Variants in BEAN1 observed in about 807,000 individuals in gnomAD.
BEAN1 encodes the protein brain expressed associated with NEDD4 1.
A neutral mutation model predicts 17.7 loss-of-function variants in BEAN1; 17 were observed. The observed-to-expected ratio is 0.96, with a 90% CI of 0.66 to 1.44. The LOEUF is 1.44. BEAN1 is among the 40% of genes most tolerant of loss of function. The probability of loss-of-function intolerance (pLI) is 0.00; values close to 1 mark genes in which losing one functional copy is unlikely to be tolerated. For synonymous variants in BEAN1, 142 were observed against 151.8 expected (o/e 0.94, Z 0.47); for missense variants, 359 against 374.1 (o/e 0.96, Z 0.33).
chr16:66,468,186 T>C (rs1180029264), intron 2 of BEAN1, among the ~76,000 whole-genome samples: 1 of 152,202 alleles, frequency 6.6e-6, no homozygotes, highest in Non-Finnish European at 1.5e-5. Context: ...TTTCCCCATC[T>C]GGTCTCAAGA....
chr16:66,445,010 A>G (rs567081633), intron 2 of BEAN1, among the ~76,000 whole-genome samples: 1 of 152,328 alleles, frequency 6.6e-6, no homozygotes, highest in South Asian at 2.1e-4. Flanking sequence ...TTCAACAAAT[A>G]TTTATTGAGC....
chr16:66,435,576 C>T (rs949864436), intron 1 of BEAN1, among the ~76,000 whole-genome samples: 10 of 152,172 alleles, frequency 6.6e-5, no homozygotes, highest in Admixed American at 5.9e-4. Flanking sequence ...CAACCTCCAC[C>T]TCCCAGGTTC....
At position 66,471,481 on chromosome 16, in the gene BEAN1, C is replaced by A. The variant is rs1963481792; in HGVS notation, c.289+1616C>A. 6.6e-6 allele frequency among the ~76,000 whole-genome samples: 1 copy of A among 152,238 alleles called. No homozygotes were observed. The highest frequency in any genetic ancestry group is 6.5e-5 in the Admixed American group (1 of 15,292). On this transcript the variant is annotated intron_variant, in intron 3 of 4. Coordinates refer to ENST00000536005, the MANE Select transcript of BEAN1 (RefSeq NM_001178020.3). This position sits in a 1 kb window ranked among gnomAD's most constrained non-coding sequence, Gnocchi z 4.7. ...GGGGAGACGCCCCTGGGAGCCGCCCCGTGGGCTCAAGGCAGTGTCCGGCAG... is the reference window on the plus strand; with the variant it reads ...GGGGAGACGCCCCTGGGAGCCGCCCAGTGGGCTCAAGGCAGTGTCCGGCAG...
chr16:66,445,528 G>A (rs569122805), intron 2 of BEAN1, among the ~76,000 whole-genome samples: 3 of 143,998 alleles, frequency 2.1e-5, no homozygotes, highest in African/African-American at 7.8e-5. Context: ...AGAGTGAGGT[G>A]ATGGGTCAGG....
rs1204256694 is a variant in BEAN1 at position 66,474,557 on chromosome 16, A to AGAGGGAGG, written c.290-2999_290-2992dup. Reference sequence around the variant, plus strand: ...GGAGGAAGAAGAAAGAGGGAGGGAGAGAGGGAGGGAGAGAGGGAGGGAGAG... The same window carrying AGAGGGAGG: ...GGAGGAAGAAGAAAGAGGGAGGGAGAGAGGGAGGGAGGGAGGGAGAGAGGGAGGGAGAG... On this transcript the variant is annotated intron_variant, in intron 3 of 4. Coordinates refer to ENST00000536005, the MANE Select transcript of BEAN1 (RefSeq NM_001178020.3). Among the ~76,000 whole-genome samples, 544 of 75,936 alleles carry AGAGGGAGG rather than the reference A, an allele frequency of 7.2e-3. 5 individuals carry two copies. Among genetic ancestry groups the AGAGGGAGG allele is most frequent in the South Asian group, 0.017 (27 of 1,616 alleles). 49.8% of individuals were successfully genotyped at this position (75,936 alleles called of 152,430 possible).
At chr16:66,479,208 G>A (rs1188027760) in intron 4 of BEAN1, 1 of 152,296 alleles carries the variant, frequency 6.6e-6, no homozygotes, top group Non-Finnish European at 1.5e-5. Context: ...TGAGGCCATA[G>A]CCTGAGGACA....
Position 66,481,031 on chromosome 16 carries a change from A to T in BEAN1, c.*106A>T. ...CAGAGATGCACACGTGACTCATAAC[A>T]CACACATAGACCAAACTTGTATACA... On this transcript the variant is annotated 3_prime_UTR_variant, in exon 5 of 5. Coordinates refer to ENST00000536005, the MANE Select transcript of BEAN1 (RefSeq NM_001178020.3). The surrounding 1 kb of genome is among the most constrained non-coding windows in gnomAD (Gnocchi z 4.1). The T allele has an allele frequency of 1.0e-6, 1 of 969,230 alleles. No homozygotes were observed. The highest frequency in any genetic ancestry group is 1.8e-5 in the South Asian group (1 of 55,194). The allele number at this position is 969,230 out of a possible 1,614,324, so 60.0% of individuals were successfully genotyped here.
Position 66,481,043 on chromosome 16 carries a change from C to CTTTTTT in BEAN1, c.*118_*119insTTTTTT. On this transcript the variant is annotated 3_prime_UTR_variant, in exon 5 of 5. Coordinates refer to ENST00000536005, the MANE Select transcript of BEAN1 (RefSeq NM_001178020.3). The surrounding 1 kb of genome is among the most constrained non-coding windows in gnomAD (Gnocchi z 4.1). ...CGTGACTCATAACACACACATAGAC[C>CTTTTTT]AAACTTGTATACACACAGACATCTA... The CTTTTTT allele has an allele frequency of 1.3e-6, 1 of 798,794 alleles. No homozygotes were observed. The highest frequency in any genetic ancestry group is 2.6e-5 in the South Asian group (1 of 37,758). 49.5% of individuals were successfully genotyped at this position (798,794 alleles called of 1,614,324 possible).
chr16:66,430,366 AT>A (rs992063938), intron 1 of BEAN1, among the ~76,000 whole-genome samples: 33 of 152,334 alleles, frequency 2.2e-4, no homozygotes, highest in Admixed American at 5.9e-4. Context: ...ACTTGTTCCC[AT>A]TTTATTGATG....
Position 66,444,391 on chromosome 16 carries a change from C to T in BEAN1, c.25+6690C>T, listed in dbSNP as rs116430224. Among the ~76,000 whole-genome samples, 390 of 152,168 alleles carry T rather than the reference C, an allele frequency of 2.6e-3. 1 individual carries two copies. The highest frequency in any genetic ancestry group is 8.6e-3 in the African/African-American group (358 of 41,516). On this transcript the variant is annotated intron_variant, in intron 2 of 4. Coordinates refer to ENST00000536005, the MANE Select transcript of BEAN1 (RefSeq NM_001178020.3). ...GAACATCAGCCTCCATGGCTTGTAG[C>T]GGGGCTTTGAGGCTGCAGGTGGAGC...
In BEAN1 at chr16:66,434,217, G is replaced by GACCCCA. The variant is rs1961922759; in HGVS notation, c.-82-3372_-82-3367dup. Among the ~76,000 whole-genome samples the GACCCCA allele has an allele frequency of 4.0e-5, 2 of 50,100 alleles. No individual in the cohort carries two copies. 32.9% of individuals were successfully genotyped at this position (50,100 alleles called of 152,430 possible). A position where few individuals can be genotyped will look rare whatever the true frequency, so the allele number is the denominator to read the frequency against. The stretch of plus-strand genomic sequence containing the variant: ...CTGGGGTGGGCCTGCCCCCGACCCC[G>GACCCCA]ACCCCAACCCCGACCCCGACCCCTG... On this transcript the variant is annotated intron_variant, in intron 1 of 4. Transcript: ENST00000536005. This position sits in a 1 kb window ranked among gnomAD's most constrained non-coding sequence, Gnocchi z 4.3.
intron 2 of BEAN1, among the ~76,000 whole-genome samples, chr16:66,465,686 C>A (rs189990665): frequency 6.6e-6 from 1 of 152,300 alleles, no homozygotes; most frequent in Non-Finnish European, 1.5e-5. Flanking sequence ...TGGTAGAATT[C>A]TCCAATGAAG....
At chr16:66,477,433 C>T in intron 3 of BEAN1, 127 bp from the exon 4 acceptor site, 4 of 995,596 alleles carry the variant, frequency 4.0e-6, no homozygotes, top group Non-Finnish European at 5.5e-6. Context: ...GGCAGCTGTG[C>T]TTGGTGAGGA....
chr16:66,429,285 A>T (rs1961703073), intron 1 of BEAN1, among the ~76,000 whole-genome samples: 1 of 152,176 alleles, frequency 6.6e-6, no homozygotes, highest in Admixed American at 6.5e-5. Context: ...ACCAGAAATG[A>T]AGGATGTCGG....
intron 1 of BEAN1, among the ~76,000 whole-genome samples, chr16:66,436,579 CTTT>C (rs879666514): frequency 7.2e-6 from 1 of 138,532 alleles, no homozygotes; most frequent in South Asian, 2.3e-4. Flanking sequence ...CATCCAGCCC[CTTT>C]TTTTTTTTTT....
rs1013180596 is a variant in BEAN1, at chr16:66,480,995, G to GCA, written c.*81_*82dup. 9.8e-5 allele frequency: 123 copies of GCA among 1,253,508 alleles called. No individual in the cohort carries two copies. The highest frequency in any genetic ancestry group is 2.8e-4 in the Middle Eastern group (1 of 3,630). The allele number at this position is 1,253,508 out of a possible 1,614,324, so 77.6% of individuals were successfully genotyped here. A position where few individuals can be genotyped will look rare whatever the true frequency, so the allele number is the denominator to read the frequency against. ...ACATTCTTTAGGCACACAAAGGCGT[G>GCA]CACACACACACAGAGATGCACACGT... On this transcript the variant is annotated 3_prime_UTR_variant, in exon 5 of 5. Transcript: ENST00000536005.
intron 2 of BEAN1, among the ~76,000 whole-genome samples, chr16:66,453,441 C>G (rs1222815525): frequency 6.6e-6 from 1 of 151,984 alleles, no homozygotes; most frequent in African/African-American, 2.4e-5. Flanking sequence ...TCACTGTAAC[C>G]TTGAACTCCT....
intron 2 of BEAN1, among the ~76,000 whole-genome samples, chr16:66,441,593 G>A (rs1194339078): frequency 6.6e-6 from 1 of 152,180 alleles, no homozygotes; most frequent in South Asian, 2.1e-4. Context: ...TGCCAGGTTA[G>A]AAGAGTAGCC....
rs749858705 is a variant in BEAN1 at position 66,471,434 on chromosome 16, C to T, written c.289+1569C>T. Among the ~76,000 whole-genome samples, 2 of 152,232 alleles carry T rather than the reference C, an allele frequency of 1.3e-5. No individual in the cohort carries two copies. Among genetic ancestry groups the T allele is most frequent in the African/African-American group, 4.8e-5 (2 of 41,460 alleles). The stretch of plus-strand genomic sequence containing the variant: ...GGCTGCCCCGCTGCACAGCACTGCC[C>T]AGGAAGGGAGCTGGAGGTGTCGGGG... On this transcript the variant is annotated intron_variant, in intron 3 of 4. Coordinates refer to ENST00000536005, the MANE Select transcript of BEAN1 (RefSeq NM_001178020.3). The surrounding 1 kb of genome is among the most constrained non-coding windows in gnomAD (Gnocchi z 4.7).
Sources: allele counts gnomAD v4.1 joint callset (sites outside exome capture counted in the v4.1 genomes callset), GRCh38; gene constraint gnomAD v4.1.1; non-coding constraint Gnocchi (gnomAD v3.1); transcripts MANE v1.5; gene names NCBI Gene and HGNC (gene_info 2026-07-23, HGNC 2026-07-21).